PTPRN2: variants seen among roughly 807,000 people sequenced by gnomAD.
The protein encoded by PTPRN2 is protein tyrosine phosphatase receptor type N2, also known as receptor-type tyrosine-protein phosphatase N2.
PTPRN2 carries 74 observed loss-of-function variants against 118.8 expected under a neutral mutation model. The observed-to-expected ratio is 0.62, with a 90% confidence interval of 0.52 to 0.76. The LOEUF (loss-of-function observed/expected upper bound fraction) is 0.76, where lower values mean the gene tolerates loss of function less well. Among genes scored for constraint, PTPRN2 ranks in the 30% least tolerant of loss-of-function variants. The pLI, the probability that PTPRN2 is intolerant of heterozygous loss-of-function variation, is 0.00. For synonymous variants in PTPRN2, 641 were observed against 608.0 expected (o/e 1.05, Z -0.80); for missense variants, 1,481 against 1,394.4 (o/e 1.06, Z -0.99).
chr7:157,770,084 C>G (rs1038219733), intron 12 of PTPRN2, among the ~76,000 whole-genome samples: 2 of 152,252 alleles, frequency 1.3e-5, no homozygotes, highest in African/African-American at 2.4e-5. Context: ...CTTTCACTTC[C>G]CGCTGCCACC....
intron 12 of PTPRN2, among the ~76,000 whole-genome samples, chr7:157,741,873 C>T (rs949311007): frequency 6.6e-6 from 1 of 152,214 alleles, no homozygotes; most frequent in South Asian, 2.1e-4. Flanking sequence ...TCCTCTTAGA[C>T]TTGGGGTCCT....
intron 11 of PTPRN2, among the ~76,000 whole-genome samples, chr7:157,975,132 G>A (rs10240447): frequency 0.47 from 71,766 of 151,826 alleles, 17,062 homozygotes; most frequent in Admixed American, 0.54. Context: ...CTCGATCTTG[G>A]CTTCCCCTAG....
In PTPRN2 at chr7:157,664,824, A is replaced by T. The variant is rs567516154; in HGVS notation, c.2002-8273T>A. On this transcript the variant is annotated intron_variant, in intron 13 of 22. Coordinates refer to ENST00000389418, the MANE Select transcript of PTPRN2 (RefSeq NM_002847.5). ...ATTTTATTTGAGCAAAAGATAATTTATAAAGCAAAATCAACAACATGAGCC... is the reference window on the plus strand; with the variant it reads ...ATTTTATTTGAGCAAAAGATAATTTTTAAAGCAAAATCAACAACATGAGCC... Among the ~76,000 whole-genome samples the T allele has an allele frequency of 2.0e-5, 3 of 152,370 alleles. No individual in the cohort carries two copies. The South Asian group carries it at 6.2e-4, about 32-fold the overall frequency.
At chr7:157,920,751 C>T (rs1217225164) in intron 11 of PTPRN2, among the ~76,000 whole-genome samples, 1 of 152,128 alleles carries the variant, frequency 6.6e-6, no homozygotes, top group African/African-American at 2.4e-5. Context: ...AGACATCAAC[C>T]CTATACCCTC....
At chr7:157,788,655 C>T (rs1363706938) in intron 12 of PTPRN2, among the ~76,000 whole-genome samples, 1 of 152,238 alleles carries the variant, frequency 6.6e-6, no homozygotes, top group East Asian at 1.9e-4. Context: ...TGCAGCCCTG[C>T]TGGGCTATGC....
chr7:158,100,568 T>G (rs2150345604), intron 10 of PTPRN2, among the ~76,000 whole-genome samples: 1 of 152,298 alleles, frequency 6.6e-6, no homozygotes, highest in East Asian at 1.9e-4. Flanking sequence ...CATCTACTGT[T>G]TTTTGATTTT....
At chr7:158,439,608 T>G (rs1318588452) in intron 2 of PTPRN2, among the ~76,000 whole-genome samples, 1 of 152,244 alleles carries the variant, frequency 6.6e-6, no homozygotes, top group African/African-American at 2.4e-5. Flanking sequence ...CAGATAAAGC[T>G]TGCCAACTCA....
intron 20 of PTPRN2, 109 bp downstream of exon 20, chr7:157,571,331 A>T (rs1042032079): frequency 2.3e-6 from 2 of 854,748 alleles, no homozygotes; most frequent in South Asian, 1.7e-5. Flanking sequence ...TAGAAGTGCC[A>T]GTTAGTTATA....
intron 6 of PTPRN2, among the ~76,000 whole-genome samples, chr7:158,149,427 C>G (rs900858351): frequency 2.0e-5 from 3 of 148,276 alleles, no homozygotes; most frequent in African/African-American, 7.6e-5. Context: ...AAGATGTTAC[C>G]TTTTCTCAAG....
chr7:158,241,960 C>T (rs1209019295), intron 3 of PTPRN2, among the ~76,000 whole-genome samples: 2 of 152,172 alleles, frequency 1.3e-5, no homozygotes, highest in African/African-American at 2.4e-5. Context: ...ACAGCACAGT[C>T]GCAAACCGAG....
chr7:157,708,897 G>C (rs4716772), intron 12 of PTPRN2, among the ~76,000 whole-genome samples: 1 of 152,150 alleles, frequency 6.6e-6, no homozygotes, highest in Admixed American at 6.5e-5. Flanking sequence ...AGCCACCAGT[G>C]AGAGCTGAAC....
chr7:157,547,662 A>G (rs1798390276), intron 22 of PTPRN2, among the ~76,000 whole-genome samples: 1 of 152,108 alleles, frequency 6.6e-6, no homozygotes. Context: ...CGGGACACTG[A>G]GTAACCACAC....
At chr7:158,495,432 C>T (rs1364326059) in intron 1 of PTPRN2, among the ~76,000 whole-genome samples, 1 of 152,148 alleles carries the variant, frequency 6.6e-6, no homozygotes, top group Non-Finnish European at 1.5e-5. Context: ...CCTGGCAAAG[C>T]CTCCCTTCTC....
rs560451404 is a variant in PTPRN2 at position 157,953,043 on chromosome 7, C to T, written c.1724-54306G>A. Among the ~76,000 whole-genome samples, 8 of 152,146 alleles carry T rather than the reference C, an allele frequency of 5.3e-5. No homozygotes were observed. In the East Asian group the frequency reaches 1.6e-3, roughly 29 times the overall value. On this transcript the variant is annotated intron_variant, in intron 11 of 22. Coordinates refer to ENST00000389418, the MANE Select transcript of PTPRN2 (RefSeq NM_002847.5). The surrounding 1 kb of genome is among the most constrained non-coding windows in gnomAD (Gnocchi z 4.6). ...CCACCTGACCACAGGGTGAGCTGTC[C>T]AGTGCCAGGAACCACCTGACCACAG...
chr7:157,839,263 A>G (rs1309857304), intron 12 of PTPRN2, among the ~76,000 whole-genome samples: 1 of 152,258 alleles, frequency 6.6e-6, no homozygotes, highest in Non-Finnish European at 1.5e-5. Context: ...AGTGTGTTTG[A>G]ATGTATGTGC....
intron 19 of PTPRN2, among the ~76,000 whole-genome samples, chr7:157,576,311 C>T (rs1800037343): frequency 6.6e-6 from 1 of 152,228 alleles, no homozygotes; most frequent in South Asian, 2.1e-4. Flanking sequence ...TATCCTGTGG[C>T]ACATACACTT....
At chr7:158,522,982 T>A (rs1360374370) in intron 1 of PTPRN2, among the ~76,000 whole-genome samples, 2 of 152,186 alleles carry the variant, frequency 1.3e-5, no homozygotes, top group African/African-American at 4.8e-5. Flanking sequence ...AAAATGGGAA[T>A]TTCAAGAATA....
intron 2 of PTPRN2, among the ~76,000 whole-genome samples, chr7:158,386,864 G>A (rs1372375621): frequency 6.6e-6 from 1 of 152,126 alleles, no homozygotes; most frequent in Non-Finnish European, 1.5e-5. Flanking sequence ...GGAGATGAAT[G>A]GGAAGGTGTT....
At chr7:157,541,210 C>T (rs1046715990) in intron 22 of PTPRN2, among the ~76,000 whole-genome samples, 2 of 152,188 alleles carry the variant, frequency 1.3e-5, no homozygotes, top group Non-Finnish European at 2.9e-5. Flanking sequence ...AAGACGTGGC[C>T]ATTAAAACTC....
Sources: gnomAD v4.1 joint callset for allele counts (sites outside exome capture counted in the v4.1 genomes callset) on GRCh38, gnomAD v4.1.1 for gene constraint, Gnocchi (gnomAD v3.1) non-coding constraint, MANE v1.5 for transcripts, NCBI Gene and HGNC (gene_info 2026-07-23, HGNC 2026-07-21) for gene names.